The following MAML3 variants were observed in gnomAD, a reference collection of about 807,000 sequenced individuals.
The protein encoded by MAML3 is mastermind like transcriptional coactivator 3, also known as mastermind-like protein 3.
Under a neutral mutation model 101.9 loss-of-function variants are expected in MAML3, and 27 were observed. That is an observed-to-expected ratio of 0.27 (90% CI 0.20 to 0.37). The LOEUF (loss-of-function observed/expected upper bound fraction) is 0.37, where lower values mean the gene tolerates loss of function less well. Ranked by LOEUF, MAML3 falls within the 10% of genes least tolerant of loss-of-function variation. The probability of loss-of-function intolerance (pLI) is 1.00; values close to 1 mark genes in which losing one functional copy is unlikely to be tolerated. For missense variants in MAML3, 1,316 were observed against 1,444.9 expected (o/e 0.91, Z 1.45); for synonymous variants, 501 against 555.9 (o/e 0.90, Z 1.39).
At chr4:139,778,319 G>A (rs557307333) in intron 2 of MAML3, among the ~76,000 whole-genome samples, 4 of 152,318 alleles carry the variant, frequency 2.6e-5, no homozygotes, top group Admixed American at 2.0e-4. Context: ...CTTTTGAAGT[G>A]AAGTGAGGGC....
At chr4:139,822,475 G>A (rs1730992291) in intron 2 of MAML3, among the ~76,000 whole-genome samples, 1 of 152,112 alleles carries the variant, frequency 6.6e-6, no homozygotes, top group African/African-American at 2.4e-5. Flanking sequence ...GAAGAATCAG[G>A]CCTCGTGCTT....
intron 1 of MAML3, among the ~76,000 whole-genome samples, chr4:140,107,092 A>G (rs1728364440): frequency 6.6e-6 from 1 of 152,180 alleles, no homozygotes; most frequent in Non-Finnish European, 1.5e-5. Context: ...GCTGGTCTCT[A>G]ACTCCTGACC....
At chr4:139,761,876 G>C (rs1212191609) in intron 2 of MAML3, among the ~76,000 whole-genome samples, 1 of 152,178 alleles carries the variant, frequency 6.6e-6, no homozygotes, top group Non-Finnish European at 1.5e-5. Flanking sequence ...GTGGGAATTG[G>C]TTAATGTGTT....
At chr4:139,754,708 C>G (rs1729608867) in intron 2 of MAML3, among the ~76,000 whole-genome samples, 1 of 152,214 alleles carries the variant, frequency 6.6e-6, no homozygotes, top group Non-Finnish European at 1.5e-5. Flanking sequence ...CCTATTTACA[C>G]TTCCATCAGG....
At chr4:139,790,240 T>TATATATAA (rs1553956817) in intron 2 of MAML3, among the ~76,000 whole-genome samples, 5 of 144,656 alleles carry the variant, frequency 3.5e-5, no homozygotes, top group East Asian at 2.0e-4. Flanking sequence ...TATATATATA[T>TATATATAA]ATAAATAAAT....
intron 1 of MAML3, among the ~76,000 whole-genome samples, chr4:140,041,489 T>A (rs1405717402): frequency 6.6e-6 from 1 of 152,094 alleles, no homozygotes; most frequent in Non-Finnish European, 1.5e-5. Flanking sequence ...CTGGGCTTGG[T>A]GGTGCACACC....
intron 1 of MAML3, among the ~76,000 whole-genome samples, chr4:139,972,709 T>C (rs1046749523): frequency 1.3e-5 from 2 of 152,240 alleles, no homozygotes; most frequent in African/African-American, 4.8e-5. Flanking sequence ...CACTGAAAAT[T>C]AGTGAATTTT....
chr4:140,074,263 G>GAAAGAA (rs1727730180), intron 1 of MAML3, among the ~76,000 whole-genome samples: 1 of 116,996 alleles, frequency 8.5e-6, no homozygotes, highest in African/African-American at 3.4e-5. Flanking sequence ...GAAAGAAAGA[G>GAAAGAA]GACATGTGTA....
At chr4:139,930,459 A>G (rs961330798) in intron 1 of MAML3, among the ~76,000 whole-genome samples, 13 of 152,322 alleles carry the variant, frequency 8.5e-5, no homozygotes, top group Non-Finnish European at 1.9e-4. Flanking sequence ...CTTGGAAGAT[A>G]CTAAACAGCC....
chr4:139,999,946 T>C (rs1210724579), intron 1 of MAML3, among the ~76,000 whole-genome samples: 1 of 152,236 alleles, frequency 6.6e-6, no homozygotes, highest in Non-Finnish European at 1.5e-5. Context: ...TCCCCCTATT[T>C]CTATGATATT....
chr4:139,843,060 C>A (rs1731390397), intron 2 of MAML3, among the ~76,000 whole-genome samples: 1 of 151,986 alleles, frequency 6.6e-6, no homozygotes, highest in Non-Finnish European at 1.5e-5. Flanking sequence ...GGATTACAGT[C>A]CCCAGTCACC....
chr4:140,055,212 G>A (rs1409745813), intron 1 of MAML3, among the ~76,000 whole-genome samples: 3 of 151,962 alleles, frequency 2.0e-5, no homozygotes, highest in Admixed American at 1.3e-4. Flanking sequence ...AAAGTAACAG[G>A]GGTGACAAGT....
chr4:139,896,615 T>TGTGTGTGTGTGTGTGTGTGTGC (rs1732618615), intron 1 of MAML3, among the ~76,000 whole-genome samples: 1 of 125,492 alleles, frequency 8.0e-6, no homozygotes, highest in African/African-American at 2.5e-5. Context: ...CTGGTGTGTG[T>TGTGTGTGTGTGTGTGTGTGTGC]GTGTGTGTGT....
At chr4:139,955,638 C>T in intron 1 of MAML3, among the ~76,000 whole-genome samples, 1 of 152,286 alleles carries the variant, frequency 6.6e-6, no homozygotes, top group Admixed American at 6.5e-5. Flanking sequence ...GGGTCCCATG[C>T]ATTACACAGT....
At position 139,829,281 on chromosome 4, in the gene MAML3, AAAG is replaced by A. The variant is rs199633685; in HGVS notation, c.2079+60073_2079+60075del. ...GAAAGGAAGAAAGAAAGAAAAGAAA[AAAG>A]AAAAGGAAAGGAAAGAAAAGGTGAT... is the stretch of plus-strand genomic sequence containing the variant. On this transcript the variant is annotated intron_variant, in intron 2 of 4. Coordinates refer to ENST00000509479, the MANE Select transcript of MAML3 (RefSeq NM_018717.5). Among the ~76,000 whole-genome samples the A allele has an allele frequency of 6.5e-3, 994 of 152,248 alleles. 14 individuals are homozygous for A. The highest frequency in any genetic ancestry group is 0.022 in the African/African-American group (929 of 41,540).
intron 1 of MAML3, among the ~76,000 whole-genome samples, chr4:140,038,623 G>A (rs1578654330): frequency 6.6e-6 from 1 of 152,122 alleles, no homozygotes; most frequent in Admixed American, 6.5e-5. Flanking sequence ...TGTGACTTTG[G>A]ACAAGTACTG....
intron 2 of MAML3, among the ~76,000 whole-genome samples, chr4:139,781,585 C>A (rs1730216745): frequency 6.6e-6 from 1 of 150,640 alleles, no homozygotes; most frequent in African/African-American, 2.4e-5. Flanking sequence ...CATTTGTTCT[C>A]CTGCATTAGG....
At chr4:139,832,104 T>TCCCC (rs1731176614) in intron 2 of MAML3, among the ~76,000 whole-genome samples, 3 of 98,884 alleles carry the variant, frequency 3.0e-5, no homozygotes, top group African/African-American at 2.1e-4. Context: ...CTTTTTTTTT[T>TCCCC]TTTTTTTTTT....
intron 1 of MAML3, among the ~76,000 whole-genome samples, chr4:140,019,322 T>A (rs34973539): frequency 0.49 from 74,829 of 152,014 alleles, 18,888 homozygotes; most frequent in Non-Finnish European, 0.55. Flanking sequence ...ACCCTGTAAT[T>A]AATTACTTCA....
Sources: allele counts gnomAD v4.1 joint callset (sites outside exome capture counted in the v4.1 genomes callset), GRCh38; gene constraint gnomAD v4.1.1; transcripts MANE v1.5; gene names NCBI Gene and HGNC (gene_info 2026-07-23, HGNC 2026-07-21).